Variants in TENM4 observed in about 807,000 individuals in gnomAD.
The protein encoded by TENM4 is teneurin transmembrane protein 4, also known as teneurin-4.
TENM4 carries 82 observed loss-of-function variants against 243.3 expected under a neutral mutation model. The observed-to-expected ratio is 0.34, with a 90% CI of 0.28 to 0.40. The LOEUF (loss-of-function observed/expected upper bound fraction) is 0.40, where lower values mean the gene tolerates loss of function less well. TENM4 is among the 10% of genes least tolerant of loss of function. The pLI, the probability that TENM4 is intolerant of heterozygous loss-of-function variation, is 1.00. For synonymous variants in TENM4, 1,412 were observed against 1,456.3 expected (o/e 0.97, Z 0.69); for missense variants, 3,138 against 3,673.3 (o/e 0.85, Z 3.77).
In TENM4 at chr11:78,823,273, G is replaced by A. The variant is rs139956894; in HGVS notation, c.1682-8878C>T. On this transcript the variant is annotated intron_variant, in intron 12 of 33. Transcript: ENST00000278550. ...GCCCCGGCCTCAGCGCCTGCCCAGC[G>A]GTGGCCCAGGTGCAAGAGACAACAC... Among the ~76,000 whole-genome samples the A allele has an allele frequency of 4.2e-3, 641 of 152,318 alleles. 6 individuals are homozygous for A. Among genetic ancestry groups the A allele is most frequent in the African/African-American group, 0.015 (612 of 41,574 alleles).
intron 1 of TENM4, among the ~76,000 whole-genome samples, chr11:79,363,973 C>T (rs950068752): frequency 6.6e-6 from 1 of 152,150 alleles, no homozygotes; most frequent in African/African-American, 2.4e-5. Context: ...GGGTCTGGTC[C>T]TTCAACTTAA....
intron 1 of TENM4, among the ~76,000 whole-genome samples, chr11:79,433,764 G>T (rs964720921): frequency 4.6e-5 from 7 of 152,162 alleles, no homozygotes; most frequent in African/African-American, 1.7e-4. Flanking sequence ...CCAAATGAAA[G>T]AAAAGCTCTG....
intron 15 of TENM4, among the ~76,000 whole-genome samples, chr11:78,800,018 A>G (rs1591032606): frequency 1.3e-5 from 2 of 152,200 alleles, no homozygotes; most frequent in South Asian, 4.1e-4. Context: ...GGGACAAATG[A>G]TGAGTCTAAG....
At chr11:78,664,005 T>C (rs1858091089) in intron 32 of TENM4, among the ~76,000 whole-genome samples, 2 of 152,322 alleles carry the variant, frequency 1.3e-5, no homozygotes, top group African/African-American at 2.4e-5. Flanking sequence ...TCAGCCTTAC[T>C]AGGCAAAATC....
chr11:79,055,189 T>A (rs1357062646), intron 6 of TENM4, among the ~76,000 whole-genome samples: 1 of 152,104 alleles, frequency 6.6e-6, no homozygotes, highest in African/African-American at 2.4e-5. Context: ...ATCTTCTATG[T>A]GCCATACACT....
At chr11:79,064,451 T>C in intron 6 of TENM4, 2 of 406,200 alleles carry the variant, frequency 4.9e-6, no homozygotes, top group Non-Finnish European at 9.0e-6. Context: ...CACTGCCCCA[T>C]GCCCTCTCTG....
intron 3 of TENM4, among the ~76,000 whole-genome samples, chr11:79,205,687 T>C (rs946094903): frequency 2.0e-5 from 3 of 152,252 alleles, no homozygotes; most frequent in Admixed American, 6.5e-5. Flanking sequence ...ATAGCATGAA[T>C]GGACCACAGT....
At chr11:78,738,339 C>T in intron 20 of TENM4, 112 bp downstream of exon 20, 1 of 1,391,136 alleles carries the variant, frequency 7.2e-7, no homozygotes, top group Non-Finnish European at 9.6e-7. Flanking sequence ...GAATTCAGGC[C>T]CTCTGAATCC....
chr11:79,189,008 T>C (rs889274698), intron 3 of TENM4, among the ~76,000 whole-genome samples: 4 of 152,214 alleles, frequency 2.6e-5, no homozygotes, highest in Admixed American at 2.6e-4. Flanking sequence ...AAAACAGGTG[T>C]AACTGGCACA....
intron 9 of TENM4, among the ~76,000 whole-genome samples, chr11:78,871,108 G>C (rs999623451): frequency 3.9e-5 from 6 of 152,140 alleles, no homozygotes; most frequent in Admixed American, 3.3e-4. Context: ...GAAAATGGCT[G>C]TGAAGAGCAG....
At chr11:78,693,523 G>C (rs1858879971) in intron 28 of TENM4, among the ~76,000 whole-genome samples, 1 of 152,216 alleles carries the variant, frequency 6.6e-6, no homozygotes, top group South Asian at 2.1e-4. Flanking sequence ...GGTGGGTCAA[G>C]AAGACTGGCA....
intron 3 of TENM4, among the ~76,000 whole-genome samples, chr11:79,201,842 T>C (rs1863744488): frequency 6.6e-6 from 1 of 152,044 alleles, no homozygotes; most frequent in Non-Finnish European, 1.5e-5. Flanking sequence ...CAGTGTGGGC[T>C]GGGGAATGAG....
At chr11:78,869,131 CA>C (rs1252387695) in intron 9 of TENM4, among the ~76,000 whole-genome samples, 4 of 151,584 alleles carry the variant, frequency 2.6e-5, no homozygotes, top group African/African-American at 7.3e-5. Flanking sequence ...GGCAGGATAA[CA>C]GAAAAAAAAT....
intron 1 of TENM4, among the ~76,000 whole-genome samples, chr11:79,411,730 G>C (rs1590947419): frequency 6.6e-6 from 1 of 152,234 alleles, no homozygotes; most frequent in East Asian, 1.9e-4. Flanking sequence ...TCATCTCCAG[G>C]CACAGTTGTA....
intron 1 of TENM4, among the ~76,000 whole-genome samples, chr11:79,408,476 G>C (rs906561824): frequency 6.6e-6 from 1 of 152,188 alleles, no homozygotes; most frequent in Admixed American, 6.5e-5. Context: ...ATCTAAAAAA[G>C]AGAATATCAC....
At chr11:79,085,937 A>T (rs114340642) in intron 4 of TENM4, among the ~76,000 whole-genome samples, 1,690 of 152,314 alleles carry the variant, frequency 0.011, 36 homozygotes, top group African/African-American at 0.039. Context: ...ATTCTTAAAC[A>T]TCTACTATGT....
intron 1 of TENM4, among the ~76,000 whole-genome samples, chr11:79,311,217 C>T (rs373537108): frequency 4.6e-5 from 7 of 152,212 alleles, no homozygotes; most frequent in Non-Finnish European, 8.8e-5. Flanking sequence ...TGAATTCCCC[C>T]GTATCCTAAA....
chr11:79,272,495 G>A (rs1010778547), intron 2 of TENM4, among the ~76,000 whole-genome samples: 1 of 152,018 alleles, frequency 6.6e-6, no homozygotes, highest in Non-Finnish European at 1.5e-5. Context: ...TTCCTCCCAA[G>A]TCTCTGAAAT....
At chr11:78,785,055 G>GT (rs113286775) in intron 16 of TENM4, among the ~76,000 whole-genome samples, 73 of 80,314 alleles carry the variant, frequency 9.1e-4, no homozygotes, top group Middle Eastern at 8.9e-3. Flanking sequence ...TTCTGTTTTT[G>GT]TTTTTTTTTT....
Sources: gnomAD v4.1 joint callset for allele counts (sites outside exome capture counted in the v4.1 genomes callset) on GRCh38, gnomAD v4.1.1 for gene constraint, MANE v1.5 for transcripts, NCBI Gene and HGNC (gene_info 2026-07-23, HGNC 2026-07-21) for gene names.